CCDC117: variants seen among roughly 807,000 people sequenced by gnomAD.
The protein encoded by CCDC117 is coiled-coil domain containing 117.
A neutral mutation model predicts 23.5 loss-of-function variants in CCDC117; 1 was observed. The observed-to-expected ratio is 0.04, with a 90% CI of 0.02 to 0.20. CCDC117 has a LOEUF of 0.20. CCDC117 is among the 10% of genes least tolerant of loss of function. CCDC117 has a pLI of 1.00. For synonymous variants in CCDC117, 132 were observed against 124.8 expected (o/e 1.06, Z -0.39); for missense variants, 383 against 348.2 (o/e 1.10, Z -0.80).
Position 28,772,840 on chromosome 22 carries a change from C to T in CCDC117, c.-10C>T. On this transcript the variant is annotated 5_prime_UTR_variant, in exon 1 of 5. Coordinates refer to ENST00000249064, the MANE Select transcript of CCDC117 (RefSeq NM_173510.4). Reference sequence around the variant, plus strand: ...GAGGCCGCCGTCGCAGCCTCCTCGTCTCGCCGGCTATGGCTGCGCTCGGCC... The same window carrying T: ...GAGGCCGCCGTCGCAGCCTCCTCGTTTCGCCGGCTATGGCTGCGCTCGGCC... 4.9e-6 allele frequency: 6 copies of T among 1,226,642 alleles called. No homozygotes were observed. The highest frequency in any genetic ancestry group is 3.2e-4 in the Middle Eastern group (1 of 3,172). 76.0% of individuals were successfully genotyped at this position (1,226,642 alleles called of 1,614,324 possible).
chr22:28,776,973 G>A (rs1406895672), intron 2 of CCDC117, among the ~76,000 whole-genome samples: 1 of 151,658 alleles, frequency 6.6e-6, no homozygotes, highest in Non-Finnish European at 1.5e-5. Context: ...GCCCGCCTTG[G>A]CCTTCCAAAG....
rs543819969 is a variant in CCDC117 at position 28,776,069 on chromosome 22, G to A, written c.239+2291G>A. 5.3e-5 allele frequency among the ~76,000 whole-genome samples: 8 copies of A among 152,268 alleles called. 1 individual carries two copies. The South Asian group carries it at 1.7e-3, about 32-fold the overall frequency. ...CACCAGGAACTCTTAAATATGGGTA[G>A]GAGTGTAAATTGGGACCATTAGGAT... On this transcript the variant is annotated intron_variant, in intron 2 of 4. Coordinates refer to ENST00000249064, the MANE Select transcript of CCDC117 (RefSeq NM_173510.4).
At chr22:28,780,801 AAAATACGCAGTATTTTCCATCTTGTTAC>A in intron 2 of CCDC117, 119 bp from the exon 3 acceptor site, 2 of 619,404 alleles carry the variant, frequency 3.2e-6, no homozygotes, top group Non-Finnish European at 2.8e-6. Flanking sequence ...AATAGCAGGA[AAAATACGCAGTATTTTCCATCTTGTTAC>A]TACACACTTG....
intron 2 of CCDC117, 96 bp from the exon 3 acceptor site, chr22:28,780,852 G>GT: frequency 1.1e-6 from 1 of 898,166 alleles, no homozygotes; most frequent in Admixed American, 2.7e-5. Context: ...AAAAAAGCTA[G>GT]TTTTTTAAAT....
rs2031313544 is a variant in CCDC117 at position 28,781,330 on chromosome 22, G to GTTTTGTT, written c.464+163_464+169dup. Among the ~76,000 whole-genome samples the GTTTTGTT allele has an allele frequency of 1.6e-4, 6 of 37,628 alleles. 2 individuals carry two copies. The highest frequency in any genetic ancestry group is 1.7e-3 in the East Asian group (2 of 1,210). The allele number at this position is 37,628 out of a possible 152,430, so 24.7% of individuals were successfully genotyped here. ...AAAGTGTATTCGTTTTTGTTTTTTT[G>GTTTTGTT]TTTTGTTTTTTTTTTTTTTTTTTTT... On this transcript the variant is annotated intron_variant, in intron 3 of 4. Transcript: ENST00000249064.
Position 28,786,298 on chromosome 22 carries a change from C to G in CCDC117, c.812C>G (p.Thr271Ser). ...CTTTATAATAGTTTGGAGACAGCTA[C>G]TAGCACAGAAGAAGAGATGGAACTC... Reference protein sequence around the residue: ...MSLYNSLETATSTEEEMEL With the variant: ...MSLYNSLETASSTEEEMEL The change falls in exon 5 of 5, where the codon ACT becomes AGT. Residue 271 changes from threonine (T) to serine (S), a missense_variant. Thr to Ser is a moderately conservative substitution (Grantham distance 58, BLOSUM62 1). Transcript: ENST00000249064. 6.2e-7 allele frequency: 1 copy of G among 1,613,610 alleles called. No homozygotes were observed. Among genetic ancestry groups the G allele is most frequent in the East Asian group, 2.2e-5 (1 of 44,890 alleles).
Position 28,786,715 on chromosome 22 carries a change from C to G in CCDC117, c.*389C>G, listed in dbSNP as rs45544841. ...AAGAAGGATGCTCCTACAACTGTAT[C>G]CTGACAGTTAAGTCACAGCTTAATG... On this transcript the variant is annotated 3_prime_UTR_variant, in exon 5 of 5. Coordinates refer to ENST00000249064, the MANE Select transcript of CCDC117 (RefSeq NM_173510.4). 4,435 of 177,198 alleles carry G rather than the reference C, an allele frequency of 0.025. 83 individuals carry two copies. The highest frequency in any genetic ancestry group is 0.039 in the Non-Finnish European group (3,155 of 81,808). 11.0% of individuals were successfully genotyped at this position (177,198 alleles called of 1,614,324 possible). A position where few individuals can be genotyped will look rare whatever the true frequency, so the allele number is the denominator to read the frequency against.
At chr22:28,777,086 G>C (rs1380205831) in intron 2 of CCDC117, among the ~76,000 whole-genome samples, 1 of 144,894 alleles carries the variant, frequency 6.9e-6, no homozygotes, top group Non-Finnish European at 1.5e-5. Flanking sequence ...CCAGGCTGGA[G>C]TGCAGTGGCG....
chr22:28,782,799 T>A (rs1291650837), intron 3 of CCDC117, among the ~76,000 whole-genome samples: 1 of 152,160 alleles, frequency 6.6e-6, no homozygotes, highest in African/African-American at 2.4e-5. Context: ...CTGGAGCTTC[T>A]GGCCTCAGGT....
At chr22:28,780,653 A>G (rs1043083168) in intron 2 of CCDC117, among the ~76,000 whole-genome samples, 1 of 152,120 alleles carries the variant, frequency 6.6e-6, no homozygotes, top group Non-Finnish European at 1.5e-5. Context: ...TTCCCACTTG[A>G]CCTTTCCAGA....
Position 28,788,450 on chromosome 22 carries a change from C to T in CCDC117, c.*2124C>T, listed in dbSNP as rs1304408447. 1 of 152,262 alleles carries T rather than the reference C, an allele frequency of 6.6e-6. No individual in the cohort carries two copies. The highest frequency in any genetic ancestry group is 1.5e-5 in the Non-Finnish European group (1 of 68,044). The allele number at this position is 152,262 out of a possible 1,614,324, so 9.4% of individuals were successfully genotyped here. On this transcript the variant is annotated 3_prime_UTR_variant, in exon 5 of 5. Coordinates refer to ENST00000249064, the MANE Select transcript of CCDC117 (RefSeq NM_173510.4). ...ATTGTCTTCTACAGGAATTGCTGGGCAGGTCTCCGACTAAAGGTCTTATGA... is the reference window on the plus strand; with the variant it reads ...ATTGTCTTCTACAGGAATTGCTGGGTAGGTCTCCGACTAAAGGTCTTATGA...
In CCDC117 at chr22:28,788,257, T is replaced by C. The variant is rs568694373; in HGVS notation, c.*1931T>C. Reference sequence around the variant, plus strand: ...TGATAAACTTCTGCCTTGTAGTCATTGTTTGATGGGACCAACTTGTAAAGT... The same window carrying C: ...TGATAAACTTCTGCCTTGTAGTCATCGTTTGATGGGACCAACTTGTAAAGT... On this transcript the variant is annotated 3_prime_UTR_variant, in exon 5 of 5. Coordinates refer to ENST00000249064, the MANE Select transcript of CCDC117 (RefSeq NM_173510.4). 7.6e-4 allele frequency: 116 copies of C among 152,766 alleles called. No individual in the cohort carries two copies. Among genetic ancestry groups the C allele is most frequent in the African/African-American group, 2.7e-3 (113 of 41,568 alleles). 9.5% of individuals were successfully genotyped at this position (152,766 alleles called of 1,614,324 possible). A position where few individuals can be genotyped will look rare whatever the true frequency, so the allele number is the denominator to read the frequency against.
chr22:28,776,388 G>C (rs925723698), intron 2 of CCDC117, among the ~76,000 whole-genome samples: 5 of 151,950 alleles, frequency 3.3e-5, no homozygotes, highest in African/African-American at 9.7e-5. Flanking sequence ...AGCAAGATTA[G>C]ATTACCATTT....
Position 28,772,892 on chromosome 22 carries a change from G to C in CCDC117, c.43G>C (p.Gly15Arg), listed in dbSNP as rs1306405281. The change falls in exon 1 of 5, where the codon GGC becomes CGC. Residue 15 changes from glycine to arginine, a missense_variant. Gly to Arg is a moderately radical substitution (Grantham distance 125, BLOSUM62 -2). Transcript: ENST00000249064. ...GRPFSGLPLS[G>R]GSDFLQPPQP... The stretch of plus-strand genomic sequence containing the variant: ...GCCCTTCAGCGGCCTCCCTCTGAGC[G>C]GCGGCTCGGACTTCCTGCAGCCGCC... The C allele has an allele frequency of 6.5e-6, 8 of 1,235,058 alleles. No individual in the cohort carries two copies. The highest frequency in any genetic ancestry group is 3.2e-5 in the East Asian group (1 of 31,128). The allele number at this position is 1,235,058 out of a possible 1,614,324, so 76.5% of individuals were successfully genotyped here. A position where few individuals can be genotyped will look rare whatever the true frequency, so the allele number is the denominator to read the frequency against.
Position 28,772,939 on chromosome 22 carries a change from G to T in CCDC117, c.90G>T (p.Arg30=). ...CGCCGCAGCCGGCCTTCCCCGGCCGGGCCTTCCCGCCGGGGGCTGACGGCG... is the reference window on the plus strand; with the variant it reads ...CGCCGCAGCCGGCCTTCCCCGGCCGTGCCTTCCCGCCGGGGGCTGACGGCG... ...LQPPQPAFPG[R]AFPPGADGAE... is the part of the protein sequence containing the mutation. The change falls in exon 1 of 5, where the codon CGG becomes CGT. Residue 30 remains arginine, a synonymous_variant. Coordinates refer to ENST00000249064, the MANE Select transcript of CCDC117 (RefSeq NM_173510.4). 1 of 1,219,886 alleles carries T rather than the reference G, an allele frequency of 8.2e-7. No individual in the cohort carries two copies. Among genetic ancestry groups the T allele is most frequent in the Non-Finnish European group, 1.0e-6 (1 of 980,074 alleles). The allele number at this position is 1,219,886 out of a possible 1,614,324, so 75.6% of individuals were successfully genotyped here. A position where few individuals can be genotyped will look rare whatever the true frequency, so the allele number is the denominator to read the frequency against.
chr22:28,777,381 T>C (rs556394797), intron 2 of CCDC117, among the ~76,000 whole-genome samples: 1 of 152,306 alleles, frequency 6.6e-6, no homozygotes, highest in Admixed American at 6.5e-5. Context: ...TTTGTAATTA[T>C]TTGTTAAGCT....
chr22:28,780,596 A>G (rs899779054), intron 2 of CCDC117, among the ~76,000 whole-genome samples: 9 of 152,108 alleles, frequency 5.9e-5, no homozygotes, highest in African/African-American at 2.2e-4. Context: ...AAGTGCTGGT[A>G]TTACAGGTGT....
intron 2 of CCDC117, among the ~76,000 whole-genome samples, chr22:28,777,250 C>A (rs1390713534): frequency 6.6e-6 from 1 of 151,844 alleles, no homozygotes; most frequent in African/African-American, 2.4e-5. Context: ...TGGTCTCAAT[C>A]TCCTGACCTT....
chr22:28,772,884 C>T lies in CCDC117; in HGVS notation c.35C>T (p.Pro12Leu), dbSNP rs985889904. 44 of 1,236,726 alleles carry T rather than the reference C, an allele frequency of 3.6e-5. No individual in the cohort carries two copies. Among genetic ancestry groups the T allele is most frequent in the African/African-American group, 4.7e-5 (3 of 64,034 alleles). 76.6% of individuals were successfully genotyped at this position (1,236,726 alleles called of 1,614,324 possible). A position where few individuals can be genotyped will look rare whatever the true frequency, so the allele number is the denominator to read the frequency against. Residue 12 changes from proline to leucine, a missense_variant, in exon 1 of 5, where the codon CCT (proline) becomes CTT (leucine). Coordinates refer to ENST00000249064, the MANE Select transcript of CCDC117 (RefSeq NM_173510.4). The stretch of plus-strand genomic sequence containing the variant: ...CTCGGCCGGCCCTTCAGCGGCCTCC[C>T]TCTGAGCGGCGGCTCGGACTTCCTG... ...AALGRPFSGLPLSGGSDFLQP... is the reference protein window; with the variant it reads ...AALGRPFSGLLLSGGSDFLQP...
Sources: allele counts gnomAD v4.1 joint callset (sites outside exome capture counted in the v4.1 genomes callset), GRCh38; gene constraint gnomAD v4.1.1; transcripts MANE v1.5; gene names NCBI Gene and HGNC (gene_info 2026-07-23, HGNC 2026-07-21).